Variants in TNS3 observed in about 807,000 individuals in gnomAD.
TNS3 encodes the protein tensin-3.
A neutral mutation model predicts 140.9 loss-of-function variants in TNS3; 45 were observed. That is an observed-to-expected ratio of 0.32 (90% CI 0.25 to 0.41). The LOEUF is 0.41. Ranked by LOEUF, TNS3 falls within the 10% of genes least tolerant of loss-of-function variation. The pLI, the probability that TNS3 is intolerant of heterozygous loss-of-function variation, is 1.00. For synonymous variants in TNS3, 815 were observed against 788.4 expected (o/e 1.03, Z -0.56); for missense variants, 1,716 against 1,906.7 (o/e 0.90, Z 1.86).
rs1340201271 is a variant in TNS3 at position 47,389,154 on chromosome 7, A to AAGAAGAAGAAGAAGAAGAAGAAGAAGC, written c.1024+7645_1024+7646insGCTTCTTCTTCTTCTTCTTCTTCTTCT. Among the ~76,000 whole-genome samples, 7 of 82,292 alleles carry AAGAAGAAGAAGAAGAAGAAGAAGAAGC rather than the reference A, an allele frequency of 8.5e-5. 2 individuals carry two copies. Among genetic ancestry groups the AAGAAGAAGAAGAAGAAGAAGAAGAAGC allele is most frequent in the African/African-American group, 2.9e-4 (7 of 23,744 alleles). 54.0% of individuals were successfully genotyped at this position (82,292 alleles called of 152,430 possible). A position where few individuals can be genotyped will look rare whatever the true frequency, so the allele number is the denominator to read the frequency against. On this transcript the variant is annotated intron_variant, in intron 16 of 30. Transcript: ENST00000311160. Reference sequence around the variant, plus strand: ...GAAGAAGAAGAAGAAGAAGAAGAAGAAGCAGAAGAAGCAGCAGAAGCAGAA... The same window carrying AAGAAGAAGAAGAAGAAGAAGAAGAAGC: ...GAAGAAGAAGAAGAAGAAGAAGAAGAAGAAGAAGAAGAAGAAGAAGAAGAAGCAGCAGAAGAAGCAGCAGAAGCAGAA...
intron 4 of TNS3, among the ~76,000 whole-genome samples, chr7:47,474,725 C>A (rs1464333686): frequency 6.7e-6 from 1 of 148,604 alleles, no homozygotes; most frequent in Non-Finnish European, 1.5e-5. Flanking sequence ...CAGACATGTA[C>A]ACACACAACA....
chr7:47,416,842 G>A (rs1022746549), intron 10 of TNS3, among the ~76,000 whole-genome samples: 8 of 152,218 alleles, frequency 5.3e-5, no homozygotes, highest in African/African-American at 1.9e-4. Context: ...GAGTAAAAGT[G>A]AGGAACCACA....
At chr7:47,424,621 C>T (rs1794552468) in intron 9 of TNS3, among the ~76,000 whole-genome samples, 1 of 152,122 alleles carries the variant, frequency 6.6e-6, no homozygotes, top group South Asian at 2.1e-4. Context: ...AGTTTCAGGA[C>T]CACATGGATG....
chr7:47,444,558 C>T lies in TNS3; in HGVS notation c.-75-2503G>A, dbSNP rs531528383. 9.2e-5 allele frequency among the ~76,000 whole-genome samples: 14 copies of T among 152,264 alleles called. No homozygotes were observed. The South Asian group carries it at 2.9e-3, about 32-fold the overall frequency. ...GAGTGTCACCGTCCCTCAGGCGGGG[C>T]CCTGACGGCAGGAGGGAAGGAGGGA... On this transcript the variant is annotated intron_variant, in intron 4 of 30. Coordinates refer to ENST00000311160, the MANE Select transcript of TNS3 (RefSeq NM_022748.12).
intron 3 of TNS3, among the ~76,000 whole-genome samples, chr7:47,492,319 T>G (rs1443538389): frequency 6.6e-6 from 1 of 152,218 alleles, no homozygotes; most frequent in East Asian, 1.9e-4. Context: ...CAGGCCTTCA[T>G]GGAGGACACA....
intron 1 of TNS3, among the ~76,000 whole-genome samples, chr7:47,572,303 G>A (rs1800575734): frequency 1.3e-5 from 2 of 152,196 alleles, no homozygotes; most frequent in Non-Finnish European, 2.9e-5. Context: ...CGCCTAGGTC[G>A]GGATCCAGGT....
intron 20 of TNS3, among the ~76,000 whole-genome samples, 167 bp from the exon 21 acceptor site, chr7:47,305,170 G>A (rs1786674402): frequency 6.6e-6 from 1 of 152,224 alleles, no homozygotes; most frequent in African/African-American, 2.4e-5. Context: ...GCTGGAGGAG[G>A]CGGCCAGCCC....
intron 9 of TNS3, among the ~76,000 whole-genome samples, chr7:47,425,288 G>A (rs1028560772): frequency 3.3e-5 from 5 of 152,160 alleles, no homozygotes; most frequent in Non-Finnish European, 7.3e-5. Flanking sequence ...TTGCACTCCA[G>A]CCTGGGTGAC....
intron 1 of TNS3, among the ~76,000 whole-genome samples, chr7:47,574,478 C>T (rs1426965402): frequency 6.6e-6 from 1 of 151,712 alleles, no homozygotes; most frequent in Non-Finnish European, 1.5e-5. Flanking sequence ...TAAGGAGTTC[C>T]AAAAAGCTTG....
At position 47,303,587 on chromosome 7, in the gene TNS3, G is replaced by T. The variant is rs747682651; in HGVS notation, c.2823-3C>A. On this transcript the variant is annotated splice_polypyrimidine_tract_variant and splice_region_variant and intron_variant, in intron 21 of 30. Transcript: ENST00000311160. ...ACTGGCGTTCTGCAGAAGAGGAGCT[G>T]TTCAAAAGACAAGCCGACCAAGACA... The T allele has an allele frequency of 6.3e-7, 1 of 1,583,886 alleles. No homozygotes were observed. The highest frequency in any genetic ancestry group is 8.5e-7 in the Non-Finnish European group (1 of 1,171,058).
chr7:47,507,426 G>C (rs1333008656), intron 2 of TNS3, among the ~76,000 whole-genome samples: 3 of 152,196 alleles, frequency 2.0e-5, no homozygotes, highest in Non-Finnish European at 4.4e-5. Flanking sequence ...TGAAAGACCG[G>C]ATGGGAGCCT....
intron 9 of TNS3, among the ~76,000 whole-genome samples, chr7:47,426,800 G>C (rs1205650274): frequency 2.6e-5 from 4 of 152,118 alleles, no homozygotes; most frequent in Admixed American, 2.0e-4. Context: ...TGGAACTTCG[G>C]TTCAGGCAGT....
intron 8 of TNS3, among the ~76,000 whole-genome samples, chr7:47,433,218 A>G (rs1795009345): frequency 6.6e-6 from 1 of 152,266 alleles, no homozygotes; most frequent in South Asian, 2.1e-4. Flanking sequence ...CGCATTCTGC[A>G]AAGCAGGCGG....
chr7:47,415,709 C>A (rs1387035051), intron 10 of TNS3, among the ~76,000 whole-genome samples: 2 of 152,256 alleles, frequency 1.3e-5, no homozygotes, highest in Admixed American at 1.3e-4. Flanking sequence ...CCCTCCTATC[C>A]CGCAGCCTTC....
chr7:47,305,758 T>G (rs549147634), intron 20 of TNS3, among the ~76,000 whole-genome samples: 1 of 152,384 alleles, frequency 6.6e-6, no homozygotes, highest in South Asian at 2.1e-4. Context: ...TTCTGGATAT[T>G]TAAAACATCT....
At chr7:47,299,775 T>C (rs1375179088) in intron 23 of TNS3, among the ~76,000 whole-genome samples, 1 of 152,202 alleles carries the variant, frequency 6.6e-6, no homozygotes, top group African/African-American at 2.4e-5. Context: ...CTGAGGAGCC[T>C]GGTGTGCTGA....
chr7:47,337,400 C>T (rs1456888721), intron 20 of TNS3, among the ~76,000 whole-genome samples: 2 of 152,108 alleles, frequency 1.3e-5, no homozygotes, highest in African/African-American at 4.8e-5. Flanking sequence ...TTTAGTAATG[C>T]GATCTGCAGA....
intron 17 of TNS3, among the ~76,000 whole-genome samples, chr7:47,364,533 C>T (rs942854657): frequency 2.0e-5 from 3 of 152,064 alleles, no homozygotes; most frequent in Admixed American, 6.5e-5. Context: ...CTGCCTGCCT[C>T]GGCCCAGTAA....
intron 4 of TNS3, among the ~76,000 whole-genome samples, chr7:47,466,561 C>A (rs1043053899): frequency 6.6e-6 from 1 of 152,244 alleles, no homozygotes; most frequent in Non-Finnish European, 1.5e-5. Context: ...TATGGCTTCA[C>A]AGATGTCCTG....
Sources: gnomAD v4.1 joint callset for allele counts (sites outside exome capture counted in the v4.1 genomes callset) on GRCh38, gnomAD v4.1.1 for gene constraint, MANE v1.5 for transcripts, NCBI Gene and HGNC (gene_info 2026-07-23, HGNC 2026-07-21) for gene names.